Variants in DCTN4 observed in about 807,000 individuals in gnomAD.
The protein encoded by DCTN4 is dynactin subunit 4, also known as dynactin 4 (p62).
In DCTN4, 23 loss-of-function variants were observed where a neutral mutation model predicts 62.7. The observed-to-expected ratio is 0.37, with a 90% CI of 0.26 to 0.52. The LOEUF is 0.52. Ranked by LOEUF, DCTN4 falls within the 20% of genes least tolerant of loss-of-function variation. DCTN4 has a pLI of 0.92. For synonymous variants in DCTN4, 199 were observed against 202.1 expected, an observed-to-expected ratio of 0.98 and a Z score of 0.13; for missense variants, 514 against 580.4, an observed-to-expected ratio of 0.89 and a Z score of 1.18.
intron 8 of DCTN4, among the ~76,000 whole-genome samples, chr5:150,725,955 T>G (rs1239430609): frequency 6.6e-6 from 1 of 152,058 alleles, no homozygotes; most frequent in Non-Finnish European, 1.5e-5. Context: ...CAGGCCGGAG[T>G]ACAATGGCGC....
At chr5:150,739,502 TGC>T (rs1760696620) in intron 4 of DCTN4, among the ~76,000 whole-genome samples, 1 of 152,200 alleles carries the variant, frequency 6.6e-6, no homozygotes. Flanking sequence ...ATGACCATAC[TGC>T]CAAAGCAATC....
At chr5:150,712,527 A>G (rs530312857) in intron 12 of DCTN4, among the ~76,000 whole-genome samples, 1 of 152,198 alleles carries the variant, frequency 6.6e-6, no homozygotes, top group Non-Finnish European at 1.5e-5. Flanking sequence ...TCCTAAGCTC[A>G]AATGATCCTT....
chr5:150,747,233 G>A (rs1752484299), intron 3 of DCTN4, among the ~76,000 whole-genome samples: 1 of 152,110 alleles, frequency 6.6e-6, no homozygotes, highest in African/African-American at 2.4e-5. Flanking sequence ...AACTTACAAG[G>A]GACGTGAAGG....
chr5:150,754,842 A>T (rs1244007964), intron 2 of DCTN4, among the ~76,000 whole-genome samples: 1 of 152,140 alleles, frequency 6.6e-6, no homozygotes, highest in African/African-American at 2.4e-5. Context: ...GCATGTGCCT[A>T]GTCTCAGCTA....
At chr5:150,717,038 C>G (rs1274968451) in intron 11 of DCTN4, among the ~76,000 whole-genome samples, 2 of 151,308 alleles carry the variant, frequency 1.3e-5, no homozygotes, top group Non-Finnish European at 2.9e-5. Context: ...CAGAAATTCT[C>G]TAATATTATT....
Position 150,708,494 on chromosome 5 carries a change from G to C in DCTN4, c.*2655C>G, listed in dbSNP as rs1759452644. The C allele has an allele frequency of 6.6e-6, 1 of 152,208 alleles. No homozygotes were observed. Among genetic ancestry groups the C allele is most frequent in the Non-Finnish European group, 1.5e-5 (1 of 68,034 alleles). The allele number at this position is 152,208 out of a possible 1,614,324, so 9.4% of individuals were successfully genotyped here. A position where few individuals can be genotyped will look rare whatever the true frequency, so the allele number is the denominator to read the frequency against. ...GGATATCTTTAGAAGCAATGACCCA[G>C]GATAAAAACTGGTAGAGGTCTAACA... is the stretch of plus-strand genomic sequence containing the variant. On this transcript the variant is annotated 3_prime_UTR_variant, in exon 13 of 13. Coordinates refer to ENST00000447998, the MANE Select transcript of DCTN4 (RefSeq NM_016221.4).
At chr5:150,734,633 T>C (rs973308971) in intron 4 of DCTN4, among the ~76,000 whole-genome samples, 1 of 152,162 alleles carries the variant, frequency 6.6e-6, no homozygotes, top group African/African-American at 2.4e-5. Context: ...CAAATTTTCC[T>C]GGGCACAATC....
chr5:150,744,651 C>A (rs28765389), intron 3 of DCTN4, among the ~76,000 whole-genome samples: 21,418 of 149,762 alleles, frequency 0.14, 2,779 homozygotes, highest in African/African-American at 0.35. Context: ...TTCTTAAAGA[C>A]AAGAATTTTC....
At chr5:150,721,861 A>G (rs968832440) in intron 9 of DCTN4, among the ~76,000 whole-genome samples, 1 of 152,136 alleles carries the variant, frequency 6.6e-6, no homozygotes, top group Non-Finnish European at 1.5e-5. Flanking sequence ...GTCCTGCTCC[A>G]CTGTCTAGGA....
intron 6 of DCTN4, 47 bp from the exon 7 acceptor site, chr5:150,731,203 C>T: frequency 1.5e-6 from 2 of 1,298,926 alleles, no homozygotes; most frequent in Non-Finnish European, 2.2e-6. Context: ...AGAGTAATTT[C>T]TCACGGATCC....
At chr5:150,726,540 T>C (rs1430781724) in intron 8 of DCTN4, among the ~76,000 whole-genome samples, 1 of 152,206 alleles carries the variant, frequency 6.6e-6, no homozygotes, top group Non-Finnish European at 1.5e-5. Flanking sequence ...TAAATCACCA[T>C]TAAAAACCAT....
chr5:150,718,243 C>T (rs756849832), intron 11 of DCTN4, 33 bp downstream of exon 11: 20 of 1,457,894 alleles, frequency 1.4e-5, no homozygotes, highest in Middle Eastern at 1.9e-4. Flanking sequence ...AGGGAAAGTG[C>T]GGGTCAGTCA....
intron 12 of DCTN4, 140 bp from the exon 13 acceptor site, chr5:150,711,502 A>T (rs2151464005): frequency 1.4e-6 from 1 of 705,284 alleles, no homozygotes; most frequent in Non-Finnish European, 2.3e-6. Context: ...TTAACCTACC[A>T]AGTATTTTTT....
intron 11 of DCTN4, 116 bp downstream of exon 11, chr5:150,718,160 A>G (rs897179865): frequency 4.3e-5 from 27 of 634,234 alleles, no homozygotes; most frequent in Admixed American, 1.0e-4. Context: ...GGTGGAATCA[A>G]AAGAACTTGC....
intron 3 of DCTN4, among the ~76,000 whole-genome samples, chr5:150,752,106 A>G (rs561020241): frequency 1.1e-3 from 174 of 152,312 alleles, no homozygotes; most frequent in African/African-American, 3.9e-3. Flanking sequence ...TCAGAAAAAA[A>G]AATACGGAGT....
rs756149995 is a variant in DCTN4, at chr5:150,730,735, T to C, written c.730A>G (p.Thr244Ala). The change falls in exon 8 of 13, where the codon ACC (threonine) becomes GCC (alanine). Residue 244 changes from threonine (T) to alanine (A), a missense_variant. Coordinates refer to ENST00000447998, the MANE Select transcript of DCTN4 (RefSeq NM_016221.4). Reference sequence around the variant, plus strand: ...GGCTGTAACAGACGCTGCTGAAGGGTTGTTACTAGAAAGAAAGGCAGAAAA... The same window carrying C: ...GGCTGTAACAGACGCTGCTGAAGGGCTGTTACTAGAAAGAAAGGCAGAAAA... ...TRPVNLTEVT[T>A]LQQRLLQPDF... 6.2e-7 allele frequency: 1 copy of C among 1,613,566 alleles called. No homozygotes were observed. Among genetic ancestry groups the C allele is most frequent in the South Asian group, 1.1e-5 (1 of 90,958 alleles).
At position 150,725,558 on chromosome 5, in the gene DCTN4, T is replaced by G. The variant is rs546616316; in HGVS notation, c.835-2578A>C. Among the ~76,000 whole-genome samples the G allele has an allele frequency of 4.5e-4, 68 of 152,228 alleles. 1 individual carries two copies. The highest frequency in any genetic ancestry group is 1.6e-3 in the African/African-American group (66 of 41,566). ...AACACCTGTTCTCTTTGGACTTTGC[T>G]GTTTTTTTTCTAACTTCTTGAAATG... On this transcript the variant is annotated intron_variant, in intron 8 of 12. Transcript: ENST00000447998.
intron 8 of DCTN4, among the ~76,000 whole-genome samples, chr5:150,727,638 T>C (rs1381191252): frequency 1.3e-5 from 2 of 150,744 alleles, no homozygotes; most frequent in Non-Finnish European, 1.5e-5. Flanking sequence ...TAGCCGGGCG[T>C]GGTGGCGGGC....
At chr5:150,730,184 GTTTC>G (rs1760307767) in intron 8 of DCTN4, among the ~76,000 whole-genome samples, 1 of 152,118 alleles carries the variant, frequency 6.6e-6, no homozygotes, top group African/African-American at 2.4e-5. Context: ...CCTCTAAAAG[GTTTC>G]TTTTCCATTT....
Sources: allele counts gnomAD v4.1 joint callset (sites outside exome capture counted in the v4.1 genomes callset), GRCh38; gene constraint gnomAD v4.1.1; transcripts MANE v1.5; gene names NCBI Gene and HGNC (gene_info 2026-07-23, HGNC 2026-07-21).